Variants in EXOSC9 observed in about 807,000 individuals in gnomAD.
EXOSC9 encodes exosome complex component RRP45.
Under a neutral mutation model 56.5 loss-of-function variants are expected in EXOSC9, and 38 were observed. That is an observed-to-expected ratio of 0.67 (90% CI 0.52 to 0.88). The LOEUF (loss-of-function observed/expected upper bound fraction) is 0.88, where lower values mean the gene tolerates loss of function less well. Ranked by LOEUF, EXOSC9 falls within the 40% of genes least tolerant of loss-of-function variation. The pLI is 0.00. For synonymous variants in EXOSC9, 170 were observed against 170.8 expected (o/e 0.99, Z 0.04); for missense variants, 559 against 530.5 (o/e 1.05, Z -0.53).
In EXOSC9 at chr4:121,802,979, A is replaced by T. The variant is rs371058415; in HGVS notation, c.346A>T (p.Ile116Leu). The T allele has an allele frequency of 1.2e-6, 2 of 1,613,974 alleles. No individual in the cohort carries two copies. Among genetic ancestry groups the T allele is most frequent in the Non-Finnish European group, 1.7e-6 (2 of 1,179,850 alleles). ...MERCLRNSKC[I>L]DTESLCVVAG... ...AAGATGTCTAAGAAATTCGAAGTGT[A>T]TAGACACTGAGTCTCTCTGTGTTGT... The change falls in exon 4 of 12, where the codon ATA (isoleucine) becomes TTA (leucine). Residue 116 changes from isoleucine to leucine, a missense_variant. By Grantham distance (5) the Ile-to-Leu change is conservative. Transcript: ENST00000243498.
rs776490377 is a variant in EXOSC9, at chr4:121,811,646, G to A, written c.802G>A (p.Ala268Thr). Residue 268 changes from alanine to threonine, a missense_variant, in exon 8 of 12, where the codon GCT becomes ACT. Physicochemically the swap from Ala to Thr is moderately conservative, Grantham distance 58 (BLOSUM62 0). Transcript: ENST00000243498. Reference sequence around the variant, plus strand: ...AGAAATTACAGAGCTAATATTGAAAGCTTTGGAGAATGACCAAAAAGTAAG... The same window carrying A: ...AGAAATTACAGAGCTAATATTGAAAACTTTGGAGAATGACCAAAAAGTAAG... ...VAEITELILK[A>T]LENDQKVRKE... The A allele has an allele frequency of 6.3e-7, 1 of 1,579,446 alleles. No homozygotes were observed. Among genetic ancestry groups the A allele is most frequent in the Non-Finnish European group, 8.6e-7 (1 of 1,162,546 alleles).
At chr4:121,815,218 G>C (rs1724449121) in intron 10 of EXOSC9, 2 of 204,552 alleles carry the variant, frequency 9.8e-6, no homozygotes. Flanking sequence ...AGCTAATGCT[G>C]CATATACTTG....
intron 8 of EXOSC9, 48 bp from the exon 9 acceptor site, chr4:121,813,186 G>T: frequency 6.4e-7 from 1 of 1,555,288 alleles, no homozygotes; most frequent in Non-Finnish European, 8.7e-7. Flanking sequence ...TATCCAATCT[G>T]TTACCTTCCT....
intron 8 of EXOSC9, 54 bp from the exon 9 acceptor site, chr4:121,813,180 C>T (rs935275022): frequency 6.6e-7 from 1 of 1,512,898 alleles, no homozygotes; most frequent in South Asian, 1.3e-5. Flanking sequence ...GTCTTCTATC[C>T]AATCTGTTAC....
chr4:121,807,564 G>A lies in EXOSC9; in HGVS notation c.547G>A (p.Val183Ile). Residue 183 changes from valine (V) to isoleucine (I), a missense_variant, in exon 6 of 12, where the codon GTA becomes ATA. Val to Ile is a conservative substitution (Grantham distance 29). Coordinates refer to ENST00000243498, the MANE Select transcript of EXOSC9 (RefSeq NM_005033.3). ...TLYTPEERDPVPLSIHHMPIC... is the reference protein window; with the variant it reads ...TLYTPEERDPIPLSIHHMPIC... ...GTATACACCTGAAGAGCGTGATCCT[G>A]TACCATTAAGTATCCACCACATGCC... 6.2e-7 allele frequency: 1 copy of A among 1,612,542 alleles called. No homozygotes were observed. The highest frequency in any genetic ancestry group is 8.5e-7 in the Non-Finnish European group (1 of 1,178,664).
rs1437377708 is a variant in EXOSC9, at chr4:121,801,355, C to T, written c.-70C>T. 5.5e-6 allele frequency: 8 copies of T among 1,447,988 alleles called. No homozygotes were observed. The highest frequency in any genetic ancestry group is 7.8e-6 in the Non-Finnish European group (8 of 1,028,888). 89.7% of individuals were successfully genotyped at this position (1,447,988 alleles called of 1,614,324 possible). A position where few individuals can be genotyped will look rare whatever the true frequency, so the allele number is the denominator to read the frequency against. Reference sequence around the variant, plus strand: ...TCCTGCGCCTCGGGGCGAGCAGCGGCGCGCAAGGAAAGATCGGGTTCCGTT... The same window carrying T: ...TCCTGCGCCTCGGGGCGAGCAGCGGTGCGCAAGGAAAGATCGGGTTCCGTT... On this transcript the variant is annotated 5_prime_UTR_variant, in exon 1 of 12. Transcript: ENST00000243498.
Position 121,810,041 on chromosome 4 carries a change from A to G in EXOSC9, c.680A>G (p.Lys227Arg), listed in dbSNP as rs1560625644. The change falls in exon 7 of 12, where the codon AAA becomes AGA. Residue 227 changes from lysine to arginine, a missense_variant. Lys to Arg is a conservative substitution (Grantham distance 26). Transcript: ENST00000243498. ...GGCTTGCTGGTGATTGCCATGAACAAACATCGAGAGATTTGTACTATCCAG... is the reference window on the plus strand; with the variant it reads ...GGCTTGCTGGTGATTGCCATGAACAGACATCGAGAGATTTGTACTATCCAG... ...MDGLLVIAMN[K>R]HREICTIQSS... 1.9e-6 allele frequency: 3 copies of G among 1,614,052 alleles called. No individual in the cohort carries two copies. The highest frequency in any genetic ancestry group is 2.5e-6 in the Non-Finnish European group (3 of 1,179,890).
intron 4 of EXOSC9, among the ~76,000 whole-genome samples, chr4:121,804,148 G>A (rs6830443): frequency 0.31 from 46,117 of 150,758 alleles, 8,411 homozygotes; most frequent in East Asian, 0.44. Flanking sequence ...CTATAGGCGC[G>A]TGCCACTCCA....
At chr4:121,802,012 T>G (rs1456361815) in intron 2 of EXOSC9, 91 bp downstream of exon 2, 1 of 909,666 alleles carries the variant, frequency 1.1e-6, no homozygotes. Flanking sequence ...AGCTAAGAAG[T>G]CTGGACAGTA....
At chr4:121,816,348 T>TA (rs771644322) in intron 10 of EXOSC9, 21 bp from the exon 11 acceptor site, 34 of 1,327,804 alleles carry the variant, frequency 2.6e-5, no homozygotes, top group Non-Finnish European at 3.2e-5. Flanking sequence ...TTTTTTTTTT[T>TA]AAATTAATAA....
At chr4:121,810,800 G>A (rs1727189959) in intron 7 of EXOSC9, among the ~76,000 whole-genome samples, 1 of 152,170 alleles carries the variant, frequency 6.6e-6, no homozygotes, top group Non-Finnish European at 1.5e-5. Flanking sequence ...GGAGGTGGAG[G>A]TTGAGTGAGC....
Position 121,802,699 on chromosome 4 carries a change from C to T in EXOSC9, c.187C>T (p.Leu63Phe). ...TRVLGQVSCE[L>F]VSPKLNRATE... ...AGTTCTTGGACAGGTTTCCTGTGAA[C>T]TTGTGTCTCCAAAACTCAATCGGGC... Residue 63 changes from leucine to phenylalanine, a missense_variant, in exon 3 of 12, where the codon CTT becomes TTT. Physicochemically the swap from Leu to Phe is conservative, Grantham distance 22 (BLOSUM62 0). Coordinates refer to ENST00000243498, the MANE Select transcript of EXOSC9 (RefSeq NM_005033.3). The T allele has an allele frequency of 6.2e-7, 1 of 1,614,032 alleles. No individual in the cohort carries two copies. Among genetic ancestry groups the T allele is most frequent in the East Asian group, 2.2e-5 (1 of 44,864 alleles).
chr4:121,811,432 C>T (rs926302603), intron 7 of EXOSC9, 151 bp from the exon 8 acceptor site: 4 of 456,644 alleles, frequency 8.8e-6, no homozygotes, highest in African/African-American at 8.2e-5. Context: ...ACAACTTTCA[C>T]ATCTTGCCTT....
rs1727066306 is a variant in EXOSC9, at chr4:121,807,741, A to G, written c.605+119A>G. 18 of 658,678 alleles carry G rather than the reference A, an allele frequency of 2.7e-5. 2 individuals carry two copies. In the South Asian group the frequency reaches 3.5e-4, roughly 13 times the overall value. 40.8% of individuals were successfully genotyped at this position (658,678 alleles called of 1,614,324 possible). A position where few individuals can be genotyped will look rare whatever the true frequency, so the allele number is the denominator to read the frequency against. On this transcript the variant is annotated intron_variant, in intron 6 of 11. Coordinates refer to ENST00000243498, the MANE Select transcript of EXOSC9 (RefSeq NM_005033.3). ...TTCCCTTAATAGTAAAGCACCTTGTATTTCCTTTCTTTCTTTGTAAGGGCA... is the reference window on the plus strand; with the variant it reads ...TTCCCTTAATAGTAAAGCACCTTGTGTTTCCTTTCTTTCTTTGTAAGGGCA...
chr4:121,813,345 A>G lies in EXOSC9; in HGVS notation c.939A>G (p.Glu313=). The G allele has an allele frequency of 6.2e-7, 1 of 1,613,712 alleles. No homozygotes were observed. The highest frequency in any genetic ancestry group is 8.5e-7 in the Non-Finnish European group (1 of 1,179,830). The change falls in exon 9 of 12, where the codon GAA becomes GAG. Residue 313 remains glutamate, a synonymous_variant. Transcript: ENST00000243498. ...CCTCGGATGTAGAAGAAAAAGCAGAAGAAATCATTGCTGAAGCAGAACCTC... is the reference window on the plus strand; with the variant it reads ...CCTCGGATGTAGAAGAAAAAGCAGAGGAAATCATTGCTGAAGCAGAACCTC... ...IDTSDVEEKA[E]EIIAEAEPPS...
At chr4:121,808,683 CT>C (rs79076139) in intron 6 of EXOSC9, among the ~76,000 whole-genome samples, 282 of 138,748 alleles carry the variant, frequency 2.0e-3, no homozygotes, top group Middle Eastern at 3.7e-3. Flanking sequence ...CTTTTCTTTT[CT>C]TTTTTTTTTT....
chr4:121,813,883 T>C lies in EXOSC9; in HGVS notation c.992T>C (p.Leu331Pro). ...TTGTTAAGTGTTTCTACACCTGTGC[T>C]ATGGACTCCTGGAACTGCCCAAATT... ...PPSEVVSTPV[L>P]WTPGTAQIGE... Residue 331 changes from leucine (L) to proline (P), a missense_variant, in exon 10 of 12, where the codon CTA (leucine) becomes CCA (proline). Transcript: ENST00000243498. The C allele has an allele frequency of 3.1e-6, 5 of 1,612,518 alleles. No individual in the cohort carries two copies. The highest frequency in any genetic ancestry group is 4.2e-6 in the Non-Finnish European group (5 of 1,178,656).
chr4:121,816,481 A>C (rs1050085231), intron 11 of EXOSC9, 34 bp downstream of exon 11: 2 of 1,328,206 alleles, frequency 1.5e-6, no homozygotes, highest in Non-Finnish European at 2.1e-6. Flanking sequence ...AAATGTATAC[A>C]TATACTCAAC....
intron 10 of EXOSC9, chr4:121,815,770 G>A: frequency 2.0e-6 from 2 of 999,104 alleles, no homozygotes; most frequent in Non-Finnish European, 2.4e-6. Flanking sequence ...TGGAGGAATA[G>A]AGTAGCACAA....
Sources: allele counts gnomAD v4.1 joint callset (sites outside exome capture counted in the v4.1 genomes callset), GRCh38; gene constraint gnomAD v4.1.1; transcripts MANE v1.5; gene names NCBI Gene and HGNC (gene_info 2026-07-23, HGNC 2026-07-21).